Variants in FAR2 observed in about 807,000 individuals in gnomAD.
The protein encoded by FAR2 is fatty acyl-CoA reductase 2.
A neutral mutation model predicts 56.0 loss-of-function variants in FAR2; 19 were observed. The ratio of observed to expected loss-of-function variants is 0.34; its 90% CI spans 0.24 to 0.50. FAR2 has a LOEUF of 0.50. Among genes scored for constraint, FAR2 ranks in the 20% least tolerant of loss-of-function variants. The probability of loss-of-function intolerance (pLI) is 0.98; values close to 1 mark genes in which losing one functional copy is unlikely to be tolerated. For synonymous variants in FAR2, 219 were observed against 218.8 expected (o/e 1.00, Z -0.01); for missense variants, 508 against 642.2 (o/e 0.79, Z 2.26).
At chr12:29,265,598 C>A (rs1041971623) in intron 1 of FAR2, among the ~76,000 whole-genome samples, 8 of 152,112 alleles carry the variant, frequency 5.3e-5, no homozygotes, top group African/African-American at 1.7e-4. Flanking sequence ...CAGGGAAAGT[C>A]TCCAGTACAT....
rs552479979 is a variant in FAR2, at chr12:29,333,889, C to G, written c.*95C>G. 5.0e-4 allele frequency: 573 copies of G among 1,156,222 alleles called. No homozygotes were observed. The highest frequency in any genetic ancestry group is 3.7e-4 in the Non-Finnish European group (299 of 806,690). 71.6% of individuals were successfully genotyped at this position (1,156,222 alleles called of 1,614,324 possible). A position where few individuals can be genotyped will look rare whatever the true frequency, so the allele number is the denominator to read the frequency against. On this transcript the variant is annotated 3_prime_UTR_variant, in exon 12 of 12. Coordinates refer to ENST00000536681, the MANE Select transcript of FAR2 (RefSeq NM_001271783.2). ...AGATTAGAAAGTAACAAGGAATATG[C>G]CCAAACTGTCAAATGTCACCTGTTA... is the stretch of plus-strand genomic sequence containing the variant.
chr12:29,209,453 A>G (rs557913272), intron 1 of FAR2, among the ~76,000 whole-genome samples: 2 of 152,312 alleles, frequency 1.3e-5, no homozygotes, highest in African/African-American at 4.8e-5. Context: ...TTTAGGACAG[A>G]TAGCATTTAA....
intron 1 of FAR2, among the ~76,000 whole-genome samples, chr12:29,167,132 T>C (rs1339460416): frequency 1.3e-5 from 2 of 152,190 alleles, no homozygotes; most frequent in Non-Finnish European, 2.9e-5. Context: ...GTGTATGAAA[T>C]GGAGATGGTA....
intron 2 of FAR2, among the ~76,000 whole-genome samples, chr12:29,285,204 T>TGATTGCCCCGG (rs1948854505): frequency 6.6e-6 from 1 of 151,550 alleles, no homozygotes; most frequent in Admixed American, 6.6e-5. Flanking sequence ...AGTGTGTTCA[T>TGATTGCCCCGG]GCTTCGCTGT....
At chr12:29,204,763 GC>G (rs1175518536) in intron 1 of FAR2, among the ~76,000 whole-genome samples, 1 of 152,172 alleles carries the variant, frequency 6.6e-6, no homozygotes, top group African/African-American at 2.4e-5. Context: ...CATGGCCAGA[GC>G]AGGAGGAAAT....
intron 1 of FAR2, among the ~76,000 whole-genome samples, chr12:29,255,628 T>G (rs370309715): frequency 2.0e-5 from 3 of 152,252 alleles, no homozygotes; most frequent in African/African-American, 7.2e-5. Context: ...TCTTTTTTTT[T>G]CTTTTTCTTT....
At chr12:29,252,762 A>G (rs1948233979) in intron 1 of FAR2, among the ~76,000 whole-genome samples, 1 of 152,170 alleles carries the variant, frequency 6.6e-6, no homozygotes, top group African/African-American at 2.4e-5. Context: ...GACATTAAGT[A>G]TGGTTTAAAG....
chr12:29,269,134 G>A (rs1373570625), intron 1 of FAR2, among the ~76,000 whole-genome samples: 1 of 152,102 alleles, frequency 6.6e-6, no homozygotes, highest in African/African-American at 2.4e-5. Context: ...TTCCTAATAA[G>A]CCTGGGAGTG....
chr12:29,189,633 A>AAT (rs1174089191), intron 1 of FAR2, among the ~76,000 whole-genome samples: 2 of 152,156 alleles, frequency 1.3e-5, no homozygotes, highest in Non-Finnish European at 2.9e-5. Context: ...TGAACTAACC[A>AAT]ATATATATAC....
At chr12:29,296,857 G>A (rs370335818) in intron 3 of FAR2, among the ~76,000 whole-genome samples, 164 bp from the exon 4 acceptor site, 4 of 152,276 alleles carry the variant, frequency 2.6e-5, no homozygotes, top group African/African-American at 7.2e-5. Flanking sequence ...AAAACATTCC[G>A]AGTATCACAT....
At chr12:29,258,550 C>T (rs1247478673) in intron 1 of FAR2, among the ~76,000 whole-genome samples, 2 of 152,236 alleles carry the variant, frequency 1.3e-5, no homozygotes, top group East Asian at 3.9e-4. Flanking sequence ...ATAGCAATGA[C>T]TTTGTTTGAT....
At chr12:29,238,641 T>C (rs1176189082) in intron 1 of FAR2, among the ~76,000 whole-genome samples, 2 of 152,180 alleles carry the variant, frequency 1.3e-5, no homozygotes, top group Non-Finnish European at 2.9e-5. Context: ...ATTTTACTTA[T>C]GCTAAACTGT....
At position 29,333,964 on chromosome 12, in the gene FAR2, G is replaced by C. The variant is rs546734626; in HGVS notation, c.*170G>C. On this transcript the variant is annotated 3_prime_UTR_variant, in exon 12 of 12. Coordinates refer to ENST00000536681, the MANE Select transcript of FAR2 (RefSeq NM_001271783.2). The stretch of plus-strand genomic sequence containing the variant: ...ATGTATTTTTATTTCAGTGAGAGAA[G>C]GAAAGTTGTAAACTAGCCCATAGTC... The C allele has an allele frequency of 3.3e-4, 193 of 579,046 alleles. 2 individuals carry two copies. The East Asian group carries it at 4.3e-3, about 13-fold the overall frequency. The allele number at this position is 579,046 out of a possible 1,614,324, so 35.9% of individuals were successfully genotyped here.
chr12:29,269,124 T>C (rs1310254074), intron 1 of FAR2, among the ~76,000 whole-genome samples: 1 of 152,162 alleles, frequency 6.6e-6, no homozygotes, highest in Non-Finnish European at 1.5e-5. Context: ...GAATTTCCTC[T>C]TCCTAATAAG....
chr12:29,294,848 C>A (rs765484687), intron 3 of FAR2, among the ~76,000 whole-genome samples: 1 of 151,772 alleles, frequency 6.6e-6, no homozygotes, highest in Non-Finnish European at 1.5e-5. Flanking sequence ...AAGAGTGATG[C>A]AGATGTGAAA....
At chr12:29,273,188 G>C (rs528873802) in intron 2 of FAR2, among the ~76,000 whole-genome samples, 106 of 152,112 alleles carry the variant, frequency 7.0e-4, no homozygotes, top group Non-Finnish European at 1.4e-3. Flanking sequence ...GTTTCACTGG[G>C]GGGAAACCCA....
intron 1 of FAR2, among the ~76,000 whole-genome samples, chr12:29,172,750 GC>G (rs1949900703): frequency 6.6e-6 from 1 of 152,206 alleles, no homozygotes; most frequent in Non-Finnish European, 1.5e-5. Context: ...GCCTCCCGTA[GC>G]CGCTCGAGGA....
At chr12:29,165,583 A>G (rs1949818717) in intron 1 of FAR2, among the ~76,000 whole-genome samples, 1 of 152,206 alleles carries the variant, frequency 6.6e-6, no homozygotes, top group South Asian at 2.1e-4. Flanking sequence ...AAATATTCCC[A>G]TTTTGTTTGA....
At chr12:29,228,736 C>T (rs1367149099) in intron 1 of FAR2, among the ~76,000 whole-genome samples, 7 of 152,090 alleles carry the variant, frequency 4.6e-5, no homozygotes, top group African/African-American at 1.2e-4. Flanking sequence ...CACAGGTGCC[C>T]GCCACCATGC....
Sources: gnomAD v4.1 joint callset for allele counts (sites outside exome capture counted in the v4.1 genomes callset) on GRCh38, gnomAD v4.1.1 for gene constraint, MANE v1.5 for transcripts, NCBI Gene and HGNC (gene_info 2026-07-23, HGNC 2026-07-21) for gene names.